The following DOCK11 variants were observed in gnomAD, a reference collection of about 807,000 sequenced individuals.
DOCK11 encodes the protein dedicator of cytokinesis protein 11.
A neutral mutation model predicts 169.1 loss-of-function variants in DOCK11; 70 were observed. The ratio of observed to expected loss-of-function variants is 0.41; its 90% CI spans 0.34 to 0.51. The LOEUF (loss-of-function observed/expected upper bound fraction) is 0.51, where lower values mean the gene tolerates loss of function less well. Ranked by LOEUF, DOCK11 falls within the 20% of genes least tolerant of loss-of-function variation. The probability of loss-of-function intolerance (pLI) is 0.10; values close to 1 mark genes in which losing one functional copy is unlikely to be tolerated. For synonymous variants in DOCK11, 529 were observed against 541.3 expected, an observed-to-expected ratio of 0.98 and a Z score of 0.32; for missense variants, 1,166 against 1,538.8, an observed-to-expected ratio of 0.76 and a Z score of 4.05.
chrX:118,569,091 C>CCT (rs2013185418), intron 10 of DOCK11, among the ~76,000 whole-genome samples: 1 of 44,991 alleles, frequency 2.2e-5, no homozygotes, highest in Non-Finnish European at 4.1e-5. Flanking sequence ...TCTTTCTTTC[C>CCT]TTTTTTTTTT....
At chrX:118,642,628 C>G (rs1020619746) in intron 39 of DOCK11, among the ~76,000 whole-genome samples, 13 of 111,509 alleles carry the variant, frequency 1.2e-4, no homozygotes, top group Admixed American at 1.9e-4. Flanking sequence ...GGATTGAGAT[C>G]TAGGCCAGTT....
intron 1 of DOCK11, among the ~76,000 whole-genome samples, chrX:118,512,127 C>G (rs142178183): frequency 0.028 from 3,091 of 111,587 alleles, 81 homozygotes; most frequent in African/African-American, 0.076. Context: ...GTCGCGAACT[C>G]CTGAGCTCAG....
intron 31 of DOCK11, among the ~76,000 whole-genome samples, chrX:118,622,673 CATT>C (rs1438498338): frequency 9.0e-6 from 1 of 111,499 alleles, no homozygotes; most frequent in Admixed American, 9.6e-5. Context: ...TAATTGATAT[CATT>C]ATTATTACCC....
At chrX:118,617,666 G>A (rs2014857954) in intron 30 of DOCK11, among the ~76,000 whole-genome samples, 1 of 110,749 alleles carries the variant, frequency 9.0e-6, no homozygotes, top group Non-Finnish European at 1.9e-5. Flanking sequence ...GATCACCTGA[G>A]CTCGGGAGTT....
intron 45 of DOCK11, among the ~76,000 whole-genome samples, chrX:118,666,622 G>A (rs992814802): frequency 8.9e-6 from 1 of 111,984 alleles, no homozygotes; most frequent in Admixed American, 9.4e-5. Context: ...TCAGTTGATG[G>A]ATTTTGAATT....
chrX:118,578,417 C>G, intron 12 of DOCK11, 108 bp from the exon 13 acceptor site: 1 of 892,164 alleles, frequency 1.1e-6, no homozygotes, highest in South Asian at 2.1e-5. Context: ...GGGTCCTGGA[C>G]ATGATCCTTT....
intron 10 of DOCK11, 112 bp from the exon 11 acceptor site, chrX:118,572,211 A>G (rs1262664090): frequency 3.0e-6 from 2 of 662,202 alleles, no homozygotes; most frequent in Non-Finnish European, 4.4e-6. Context: ...AAAAGGGTTC[A>G]AATGAAGAAT....
chrX:118,522,456 T>G (rs931288677), intron 1 of DOCK11, among the ~76,000 whole-genome samples: 11 of 112,260 alleles, frequency 9.8e-5, no homozygotes, highest in African/African-American at 3.6e-4. Context: ...CAGTCAGAAG[T>G]GTAGGCATGG....
intron 10 of DOCK11, among the ~76,000 whole-genome samples, chrX:118,571,106 A>T (rs1015181564): frequency 9.0e-6 from 1 of 111,119 alleles, no homozygotes; most frequent in African/African-American, 3.3e-5. Flanking sequence ...TAGGTAGTCC[A>T]TGGGGTTCCA....
At chrX:118,516,867 T>G (rs1162410498) in intron 1 of DOCK11, among the ~76,000 whole-genome samples, 1 of 112,212 alleles carries the variant, frequency 8.9e-6, no homozygotes, top group African/African-American at 3.2e-5. Context: ...GTGCCTCGTT[T>G]TCTTCATCTG....
intron 16 of DOCK11, 43 bp downstream of exon 16, chrX:118,585,160 T>C (rs1182102375): frequency 9.2e-7 from 1 of 1,084,625 alleles, no homozygotes; most frequent in Non-Finnish European, 1.3e-6. Context: ...AATGTTTGAA[T>C]GTCAGGTTGT....
intron 20 of DOCK11, among the ~76,000 whole-genome samples, chrX:118,595,870 G>A (rs2014149732): frequency 9.0e-6 from 1 of 111,425 alleles, no homozygotes; most frequent in African/African-American, 3.3e-5. Flanking sequence ...CAATCCCACA[G>A]AGACAGAAAG....
intron 41 of DOCK11, among the ~76,000 whole-genome samples, chrX:118,649,837 C>T (rs1402916316): frequency 9.0e-6 from 1 of 111,544 alleles, no homozygotes; most frequent in Admixed American, 9.6e-5. Flanking sequence ...TTGAGGACTG[C>T]CACATACTAT....
intron 34 of DOCK11, 74 bp downstream of exon 34, chrX:118,628,346 A>C (rs1335577717): frequency 1.5e-6 from 1 of 688,264 alleles, no homozygotes; most frequent in Non-Finnish European, 2.3e-6. Context: ...TATAAATATG[A>C]GCATCTGTAC....
chrX:118,574,314 C>T, intron 12 of DOCK11, among the ~76,000 whole-genome samples: 1 of 111,908 alleles, frequency 8.9e-6, no homozygotes, highest in East Asian at 2.8e-4. Context: ...GCCTGTAATC[C>T]CAGCACTATG....
Position 118,685,823 on chromosome X carries a change from C to T in DOCK11, c.*16C>T, listed in dbSNP as rs149341492. ...TGAAGTGTGAGGAAATGCAGATGTACGTGACAATGAGACTGACCTTTCTCA... is the reference window on the plus strand; with the variant it reads ...TGAAGTGTGAGGAAATGCAGATGTATGTGACAATGAGACTGACCTTTCTCA... On this transcript the variant is annotated 3_prime_UTR_variant, in exon 53 of 53. Coordinates refer to ENST00000276202, the MANE Select transcript of DOCK11 (RefSeq NM_144658.4). 79 of 1,206,069 alleles carry T rather than the reference C, an allele frequency of 6.6e-5. No homozygotes were observed. In the East Asian group the frequency reaches 1.0e-3, roughly 15 times the overall value.
At chrX:118,498,392 G>C (rs1421382900) in intron 1 of DOCK11, among the ~76,000 whole-genome samples, 1 of 112,557 alleles carries the variant, frequency 8.9e-6, no homozygotes, top group African/African-American at 3.2e-5. Context: ...TCTTCATAGA[G>C]CCTTAGCAAA....
At position 118,671,099 on chromosome X, in the gene DOCK11, T is replaced by C; in HGVS notation, c.5153T>C (p.Ile1718Thr). The change falls in exon 46 of 53, where the codon ATT becomes ACT. Residue 1718 changes from isoleucine to threonine, a missense_variant. Transcript: ENST00000276202. ...GAACGTTATGAAATAATTTCTGAGATTTCCAAGTTGATCGTTCCAATTTAT... is the reference window on the plus strand; with the variant it reads ...GAACGTTATGAAATAATTTCTGAGACTTCCAAGTTGATCGTTCCAATTTAT... ...KAERYEIISE[I>T]SKLIVPIYEK... The C allele has an allele frequency of 8.3e-7, 1 of 1,206,741 alleles. No homozygotes were observed. Among genetic ancestry groups the C allele is most frequent in the Non-Finnish European group, 1.1e-6 (1 of 892,103 alleles).
At chrX:118,552,005 T>C (rs1244722668) in intron 6 of DOCK11, among the ~76,000 whole-genome samples, 1 of 89,315 alleles carries the variant, frequency 1.1e-5, no homozygotes, top group East Asian at 3.7e-4. Context: ...GCCACTGCAC[T>C]CCAGCCTGGG....
Sources: gnomAD v4.1 joint callset for allele counts (sites outside exome capture counted in the v4.1 genomes callset) on GRCh38, gnomAD v4.1.1 for gene constraint, MANE v1.5 for transcripts, NCBI Gene and HGNC (gene_info 2026-07-23, HGNC 2026-07-21) for gene names.